The following GBE1 variants were observed in gnomAD, a reference collection of about 807,000 sequenced individuals.
GBE1 encodes the protein 1,4-alpha-glucan-branching enzyme.
In GBE1, 70 loss-of-function variants were observed where a neutral mutation model predicts 88.8. The ratio of observed to expected loss-of-function variants is 0.79; its 90% CI spans 0.65 to 0.96. The LOEUF is 0.96. GBE1 is among the 40% of genes least tolerant of loss of function. The pLI is 0.00. For synonymous variants in GBE1, 284 were observed against 300.1 expected (o/e 0.95, Z 0.56); for missense variants, 872 against 871.0 (o/e 1.00, Z -0.01).
At chr3:81,622,829 G>T (rs1704351766) in intron 7 of GBE1, among the ~76,000 whole-genome samples, 1 of 152,060 alleles carries the variant, frequency 6.6e-6, no homozygotes, top group Admixed American at 6.6e-5. Flanking sequence ...CAATCACTCA[G>T]CAAGTTCTTT....
chr3:81,523,657 TC>T (rs1005151836), intron 14 of GBE1, among the ~76,000 whole-genome samples: 4 of 151,632 alleles, frequency 2.6e-5, no homozygotes, highest in African/African-American at 9.7e-5. Flanking sequence ...ACTACCCTTC[TC>T]CAGCCTCTGG....
chr3:81,705,987 C>G (rs1015563009), intron 1 of GBE1, among the ~76,000 whole-genome samples: 1 of 152,076 alleles, frequency 6.6e-6, no homozygotes, highest in Non-Finnish European at 1.5e-5. Context: ...TGAAATAACA[C>G]AGTCAAAATT....
In GBE1 at chr3:81,491,719, T is replaced by C. The variant is rs1013318535; in HGVS notation, c.2053-1256A>G. Among the ~76,000 whole-genome samples, 11 of 151,884 alleles carry C rather than the reference T, an allele frequency of 7.2e-5. 1 individual carries two copies. In the South Asian group the frequency reaches 1.2e-3, roughly 17 times the overall value. On this transcript the variant is annotated intron_variant, in intron 15 of 15. Coordinates refer to ENST00000429644, the MANE Select transcript of GBE1 (RefSeq NM_000158.4). ...TATCTCTAAATGAAAGCTTGCCTGA[T>C]GGTTTAAAAAAAAAAAGCTTTCAGA...
chr3:81,743,536 A>G (rs757470201), intron 1 of GBE1: 32 of 1,505,458 alleles, frequency 2.1e-5, no homozygotes, highest in Non-Finnish European at 2.6e-5. Flanking sequence ...CTCAAAAATA[A>G]TGCAAGTCAT....
intron 2 of GBE1, among the ~76,000 whole-genome samples, chr3:81,687,641 A>T (rs147133355): frequency 1.2e-4 from 18 of 152,326 alleles, no homozygotes; most frequent in African/African-American, 4.3e-4. Context: ...GTTGATGGCC[A>T]TGATTCCGTA....
At chr3:81,572,132 C>T (rs775213046) in intron 12 of GBE1, among the ~76,000 whole-genome samples, 12 of 152,114 alleles carry the variant, frequency 7.9e-5, no homozygotes, top group Admixed American at 3.3e-4. Flanking sequence ...TCCACCTTTG[C>T]TTGGCATTTC....
chr3:81,587,226 G>A (rs1703814707), intron 9 of GBE1, among the ~76,000 whole-genome samples: 1 of 152,060 alleles, frequency 6.6e-6, no homozygotes, highest in African/African-American at 2.4e-5. Flanking sequence ...TTTAAAAATG[G>A]GTTTCAAAGA....
intron 12 of GBE1, among the ~76,000 whole-genome samples, chr3:81,554,116 A>T (rs976207146): frequency 6.6e-6 from 1 of 152,132 alleles, no homozygotes; most frequent in Non-Finnish European, 1.5e-5. Flanking sequence ...GGCCATTTTG[A>T]TGTTGCATGG....
chr3:81,623,268 T>G (rs1486067240), intron 7 of GBE1, among the ~76,000 whole-genome samples: 2 of 152,208 alleles, frequency 1.3e-5, no homozygotes, highest in Non-Finnish European at 2.9e-5. Context: ...CCACTGCCCC[T>G]GCAGGGACTT....
At chr3:81,722,896 G>GTGTATATATATA (rs756121951) in intron 1 of GBE1, among the ~76,000 whole-genome samples, 11 of 135,316 alleles carry the variant, frequency 8.1e-5, no homozygotes, top group African/African-American at 3.0e-4. Context: ...GTGTGTGTGT[G>GTGTATATATATA]TATATATATA....
intron 14 of GBE1, among the ~76,000 whole-genome samples, chr3:81,513,131 T>C (rs924774309): frequency 1.5e-4 from 23 of 151,518 alleles, no homozygotes; most frequent in African/African-American, 5.3e-4. Flanking sequence ...AGGGAACATC[T>C]TCATAGAGCT....
rs1377168197 is a variant in GBE1 at position 81,679,277 on chromosome 3, T to C, written c.314-8324A>G. On this transcript the variant is annotated intron_variant, in intron 2 of 15. Coordinates refer to ENST00000429644, the MANE Select transcript of GBE1 (RefSeq NM_000158.4). ...GCACAGGGCATAAGGTTTAATACAC[T>C]TATGGTTCTGAATACAGATTAACAA... 3.3e-5 allele frequency among the ~76,000 whole-genome samples: 5 copies of C among 152,208 alleles called. No homozygotes were observed. In the East Asian group the frequency reaches 9.6e-4, roughly 29 times the overall value.
chr3:81,705,150 A>T (rs1438839367), intron 2 of GBE1, among the ~76,000 whole-genome samples: 1 of 152,102 alleles, frequency 6.6e-6, no homozygotes, highest in Admixed American at 6.6e-5. Flanking sequence ...CTTGCTAACA[A>T]AGTTAAGTAA....
chr3:81,567,661 A>G (rs1338926607), intron 12 of GBE1, among the ~76,000 whole-genome samples: 3 of 152,198 alleles, frequency 2.0e-5, no homozygotes, highest in Non-Finnish European at 4.4e-5. Flanking sequence ...TCTTATGGCC[A>G]AAGACTATTA....
intron 1 of GBE1, among the ~76,000 whole-genome samples, chr3:81,715,886 T>G (rs1269447920): frequency 2.0e-5 from 3 of 152,202 alleles, no homozygotes; most frequent in Non-Finnish European, 4.4e-5. Context: ...TGTAAATTAT[T>G]AACTACTTTC....
intron 15 of GBE1, among the ~76,000 whole-genome samples, chr3:81,492,790 T>C (rs1462496588): frequency 6.0e-5 from 9 of 151,192 alleles, no homozygotes; most frequent in Admixed American, 2.0e-4. Flanking sequence ...CAGGCTGGAG[T>C]GCAGTGGTGT....
rs964913192 is a variant in GBE1 at position 81,554,077 on chromosome 3, C to G, written c.1619-16982G>C. On this transcript the variant is annotated intron_variant, in intron 12 of 15. Transcript: ENST00000429644. ...TTCTTAATACAAATTTTCATAGCAACAGTAATGGGCTTTCACCAGTCATTT... is the reference window on the plus strand; with the variant it reads ...TTCTTAATACAAATTTTCATAGCAAGAGTAATGGGCTTTCACCAGTCATTT... Among the ~76,000 whole-genome samples, 18 of 152,132 alleles carry G rather than the reference C, an allele frequency of 1.2e-4. No homozygotes were observed. In the South Asian group the frequency reaches 3.3e-3, roughly 28 times the overall value.
At chr3:81,701,652 A>G (rs1258220289) in intron 2 of GBE1, among the ~76,000 whole-genome samples, 1 of 152,076 alleles carries the variant, frequency 6.6e-6, no homozygotes, top group Admixed American at 6.6e-5. Context: ...ATCCCCAACA[A>G]GCCAGAGGAA....
At chr3:81,654,566 G>T (rs569191214) in intron 3 of GBE1, 1 of 152,168 alleles carries the variant, frequency 6.6e-6, no homozygotes, top group Non-Finnish European at 1.5e-5. Context: ...AACAGAAAAC[G>T]CACAGTTATT....
Sources: gnomAD v4.1 joint callset for allele counts (sites outside exome capture counted in the v4.1 genomes callset) on GRCh38, gnomAD v4.1.1 for gene constraint, MANE v1.5 for transcripts, NCBI Gene and HGNC (gene_info 2026-07-23, HGNC 2026-07-21) for gene names.